The following XKR9 variants were observed in gnomAD, a reference collection of about 807,000 sequenced individuals.
XKR9 encodes the protein XK related 9, also known as XK-related protein 9.
A neutral mutation model predicts 32.0 loss-of-function variants in XKR9; 32 were observed. That is an observed-to-expected ratio of 1.00 (90% CI 0.76 to 1.34). XKR9 has a LOEUF of 1.34. Ranked by LOEUF, XKR9 falls within the 40% of genes most tolerant of loss-of-function variation. The probability of loss-of-function intolerance (pLI) is 0.00; values close to 1 mark genes in which losing one functional copy is unlikely to be tolerated. For missense variants in XKR9, 546 were observed against 429.7 expected, an observed-to-expected ratio of 1.27 and a Z score of -2.39; for synonymous variants, 168 against 143.4, an observed-to-expected ratio of 1.17 and a Z score of -1.22.
At chr8:70,926,088 T>C in the XKR9 span, among the ~76,000 whole-genome samples, 2 of 152,190 alleles carry the variant, frequency 1.3e-5, no homozygotes, top group South Asian at 4.1e-4. Context: ...TCTAAACTTT[T>C]TTTGAGATGG....
chr8:70,727,677 C>A (rs780437501), intron 4 of XKR9, among the ~76,000 whole-genome samples: 1 of 152,080 alleles, frequency 6.6e-6, no homozygotes, highest in Non-Finnish European at 1.5e-5. Context: ...GGATTACAGG[C>A]ATGAACCACC....
chr8:70,735,987 G>A (rs963988179), downstream of XKR9: 2 of 152,086 alleles, frequency 1.3e-5, no homozygotes, highest in African/African-American at 4.8e-5. Flanking sequence ...CCAGTAATGG[G>A]ATGGCTGGGT....
At chr8:71,019,476 G>C in the XKR9 span, among the ~76,000 whole-genome samples, 6 of 152,156 alleles carry the variant, frequency 3.9e-5, no homozygotes, top group Non-Finnish European at 4.4e-5. Context: ...TGTGGCTGAC[G>C]GAGGCTCACA....
the XKR9 span, among the ~76,000 whole-genome samples, chr8:71,000,470 G>A: frequency 3.3e-5 from 5 of 152,094 alleles, no homozygotes; most frequent in Non-Finnish European, 7.4e-5. Flanking sequence ...AGGTCTCGTC[G>A]AAAGTTGAAC....
downstream of XKR9, among the ~76,000 whole-genome samples, chr8:70,794,181 A>G (rs1301862909): frequency 6.6e-6 from 1 of 151,980 alleles, no homozygotes; most frequent in Non-Finnish European, 1.5e-5. Flanking sequence ...TTGAAATACT[A>G]CTTATTTTTG....
At chr8:70,944,849 T>G in the XKR9 span, among the ~76,000 whole-genome samples, 2 of 152,212 alleles carry the variant, frequency 1.3e-5, no homozygotes, top group Non-Finnish European at 2.9e-5. Context: ...GTTAAATTGC[T>G]CTCTGGGTTC....
At chr8:71,053,736 G>A in the XKR9 span, among the ~76,000 whole-genome samples, 1 of 152,196 alleles carries the variant, frequency 6.6e-6, no homozygotes, top group Non-Finnish European at 1.5e-5. Context: ...CACAGGTAAA[G>A]TCTGTTTCTC....
At chr8:71,019,738 T>A in the XKR9 span, among the ~76,000 whole-genome samples, 2 of 152,218 alleles carry the variant, frequency 1.3e-5, no homozygotes, top group East Asian at 3.8e-4. Flanking sequence ...TCACTGATGT[T>A]ACAAATTTGT....
At chr8:70,805,108 G>A in the XKR9 span, among the ~76,000 whole-genome samples, 1 of 152,174 alleles carries the variant, frequency 6.6e-6, no homozygotes, top group Non-Finnish European at 1.5e-5. Flanking sequence ...GAACTGACTA[G>A]GAGGCTGGCA....
At chr8:70,840,938 C>T in the XKR9 span, among the ~76,000 whole-genome samples, 12 of 152,214 alleles carry the variant, frequency 7.9e-5, no homozygotes, top group South Asian at 6.2e-4. Flanking sequence ...TGAGATGTCT[C>T]TTATGAAAGT....
chr8:70,940,031 A>G, the XKR9 span, among the ~76,000 whole-genome samples: 1 of 152,098 alleles, frequency 6.6e-6, no homozygotes. Flanking sequence ...AAAATACTAC[A>G]TAAAAATAAA....
chr8:70,767,081 C>T (rs1176511069), intron 2 of XKR9, among the ~76,000 whole-genome samples: 6 of 152,062 alleles, frequency 3.9e-5, no homozygotes, highest in Admixed American at 6.5e-5. Flanking sequence ...GTGTCTTTGC[C>T]AGGTTTTGGT....
At chr8:70,792,535 A>G (rs1354348472), downstream of XKR9, among the ~76,000 whole-genome samples, 1 of 152,120 alleles carries the variant, frequency 6.6e-6, no homozygotes, top group Non-Finnish European at 1.5e-5. Context: ...AAAGAAAGAA[A>G]TGAACTATGG....
chr8:70,820,461 T>C, the XKR9 span, among the ~76,000 whole-genome samples: 1 of 152,166 alleles, frequency 6.6e-6, no homozygotes, highest in South Asian at 2.1e-4. Context: ...GGCAAAGAGA[T>C]AGCAGGCATG....
the XKR9 span, among the ~76,000 whole-genome samples, chr8:70,918,383 G>A: frequency 6.6e-6 from 1 of 152,100 alleles, no homozygotes; most frequent in Non-Finnish European, 1.5e-5. Context: ...GTTTTTAGAA[G>A]GACTTGAAGG....
chr8:70,926,005 T>C, the XKR9 span, among the ~76,000 whole-genome samples: 2 of 152,234 alleles, frequency 1.3e-5, no homozygotes, highest in Non-Finnish European at 2.9e-5. Flanking sequence ...TGTGGAACAC[T>C]AATGTCTTCA....
At chr8:71,003,761 A>C in the XKR9 span, among the ~76,000 whole-genome samples, 2 of 152,354 alleles carry the variant, frequency 1.3e-5, no homozygotes, top group Non-Finnish European at 2.9e-5. Flanking sequence ...TACATAAAGC[A>C]CATGATTGGC....
At chr8:70,908,249 C>T in the XKR9 span, among the ~76,000 whole-genome samples, 2 of 152,108 alleles carry the variant, frequency 1.3e-5, no homozygotes, top group African/African-American at 4.8e-5. Context: ...ATGTGAGGTA[C>T]TGAGTATACA....
the XKR9 span, among the ~76,000 whole-genome samples, chr8:71,020,399 C>G: frequency 6.6e-6 from 1 of 152,202 alleles, no homozygotes. Flanking sequence ...AGAAGGACCA[C>G]TCTAGGGTAA....
Sources: allele counts gnomAD v4.1 joint callset (sites outside exome capture counted in the v4.1 genomes callset), GRCh38; gene constraint gnomAD v4.1.1; transcripts MANE v1.5; gene names NCBI Gene and HGNC (gene_info 2026-07-23, HGNC 2026-07-21).